Variants in VAMP5 observed in about 807,000 individuals in gnomAD.
The protein encoded by VAMP5 is vesicle-associated membrane protein 5.
In VAMP5, 10 loss-of-function variants were observed where a neutral mutation model predicts 8.1. The ratio of observed to expected loss-of-function variants is 1.23; its 90% CI spans 0.76 to 2.09. VAMP5 has a LOEUF of 2.09. VAMP5 is among the 30% of genes most tolerant of loss of function. The pLI is 0.00. For missense variants in VAMP5, 135 were observed against 152.5 expected (o/e 0.89, Z 0.60); for synonymous variants, 62 against 60.6 (o/e 1.02, Z -0.11).
chr2:85,592,800 C>CAAAAAAAAAAA lies in VAMP5; in HGVS notation c.142-142_142-132dup, dbSNP rs375145374. 2.4e-3 allele frequency: 1,217 copies of CAAAAAAAAAAA among 511,982 alleles called. 5 individuals are homozygous for CAAAAAAAAAAA. Among genetic ancestry groups the CAAAAAAAAAAA allele is most frequent in the South Asian group, 4.6e-3 (214 of 46,470 alleles). The allele number at this position is 511,982 out of a possible 1,614,324, so 31.7% of individuals were successfully genotyped here. On this transcript the variant is annotated intron_variant, in intron 2 of 2. Transcript: ENST00000306384. ...TGGGTGACAGGGAGAGACTCCTTCT[C>CAAAAAAAAAAA]AAAAAAAAAAAAAAAAGAAAGAAAG...
At chr2:85,590,867 G>C (rs1293592293) in intron 1 of VAMP5, among the ~76,000 whole-genome samples, 1 of 152,212 alleles carries the variant, frequency 6.6e-6, no homozygotes, top group Non-Finnish European at 1.5e-5. Context: ...TCTTGCACAT[G>C]ACCCAGACTT....
intron 1 of VAMP5, among the ~76,000 whole-genome samples, chr2:85,589,365 T>C (rs2104048151): frequency 1.3e-5 from 2 of 152,252 alleles, no homozygotes; most frequent in Middle Eastern, 3.4e-3. Flanking sequence ...GGCCTCTGTG[T>C]TCCCTGGAGC....
intron 2 of VAMP5, among the ~76,000 whole-genome samples, 184 bp from the exon 3 acceptor site, chr2:85,592,764 G>A (rs1470849019): frequency 6.8e-6 from 1 of 147,394 alleles, no homozygotes; most frequent in African/African-American, 2.6e-5. Context: ...TTGTGCCACT[G>A]TACTCCAGCC....
rs116031445 is a variant in VAMP5 at position 85,592,865 on chromosome 2, A to T, written c.142-83A>T. The T allele has an allele frequency of 4.5e-3, 6,458 of 1,423,166 alleles. 210 individuals are homozygous for T. In the African/African-American group the frequency reaches 0.079, roughly 17 times the overall value. 88.2% of individuals were successfully genotyped at this position (1,423,166 alleles called of 1,614,324 possible). A position where few individuals can be genotyped will look rare whatever the true frequency, so the allele number is the denominator to read the frequency against. The stretch of plus-strand genomic sequence containing the variant: ...AGGATGCAGGAGGAGACTAAGCCTT[A>T]CTGAGATGGGGTTGGGAGGAGCTGG... On this transcript the variant is annotated intron_variant, in intron 2 of 2. Coordinates refer to ENST00000306384, the MANE Select transcript of VAMP5 (RefSeq NM_006634.3).
At chr2:85,585,706 G>C (rs764109777) in intron 1 of VAMP5, among the ~76,000 whole-genome samples, 7 of 152,308 alleles carry the variant, frequency 4.6e-5, no homozygotes, top group Middle Eastern at 3.4e-3. Context: ...GATTCTCACG[G>C]GTACATTTGA....
Position 85,584,588 on chromosome 2 carries a change from T to C in VAMP5, c.3+95T>C. ...AGTCCAAAGTCCGCGGGCTGGGGCC[T>C]CCCCTGGGGCCCACGAGGGCCAGAC... On this transcript the variant is annotated intron_variant, in intron 1 of 2. Coordinates refer to ENST00000306384, the MANE Select transcript of VAMP5 (RefSeq NM_006634.3). 3 of 1,216,790 alleles carry C rather than the reference T, an allele frequency of 2.5e-6. No individual in the cohort carries two copies. The South Asian group carries it at 1.2e-4, about 50-fold the overall frequency. 75.4% of individuals were successfully genotyped at this position (1,216,790 alleles called of 1,614,324 possible).
chr2:85,589,091 C>G (rs1227266466), intron 1 of VAMP5, among the ~76,000 whole-genome samples: 3 of 152,160 alleles, frequency 2.0e-5, no homozygotes, highest in African/African-American at 7.2e-5. Context: ...TCAAGACCAT[C>G]CTGGGCAACA....
At position 85,593,133 on chromosome 2, in the gene VAMP5, C is replaced by T. The variant is rs1672573624; in HGVS notation, c.327C>T (p.Gly109=). Residue 109 remains glycine, a synonymous_variant, in exon 3 of 3, where the codon GGC becomes GGT. Coordinates refer to ENST00000306384, the MANE Select transcript of VAMP5 (RefSeq NM_006634.3). The part of the protein sequence containing the change: ...SSSAPRTQDA[G]IASGPGN ...GTGCCCCACGGACCCAGGATGCAGGCATTGCCTCAGGGCCTGGGAACTGAC... is the reference window on the plus strand; with the variant it reads ...GTGCCCCACGGACCCAGGATGCAGGTATTGCCTCAGGGCCTGGGAACTGAC... 6.2e-7 allele frequency: 1 copy of T among 1,614,194 alleles called. No individual in the cohort carries two copies. The highest frequency in any genetic ancestry group is 8.5e-7 in the Non-Finnish European group (1 of 1,180,030).
intron 1 of VAMP5, among the ~76,000 whole-genome samples, chr2:85,586,929 G>C (rs1672469760): frequency 6.6e-6 from 1 of 151,980 alleles, no homozygotes; most frequent in African/African-American, 2.4e-5. Context: ...CAAAAAATTA[G>C]CTGGGCGTGG....
intron 1 of VAMP5, among the ~76,000 whole-genome samples, chr2:85,584,706 T>G (rs1672439339): frequency 6.6e-6 from 1 of 152,252 alleles, no homozygotes; most frequent in Non-Finnish European, 1.5e-5. Flanking sequence ...CCGTCCTGGC[T>G]GCACCGCGCA....
chr2:85,591,914 C>T, intron 2 of VAMP5, 52 bp downstream of exon 2: 1 of 1,607,048 alleles, frequency 6.2e-7, no homozygotes, highest in Non-Finnish European at 8.5e-7. Context: ...GGGAAAGTCT[C>T]TCTTGGGCTG....
Position 85,584,502 on chromosome 2 carries a change from C to G in VAMP5, c.3+9C>G, listed in dbSNP as rs1672434677. The G allele has an allele frequency of 8.1e-7, 1 of 1,239,774 alleles. No individual in the cohort carries two copies. Among genetic ancestry groups the G allele is most frequent in the African/African-American group, 1.5e-5 (1 of 64,564 alleles). The allele number at this position is 1,239,774 out of a possible 1,614,324, so 76.8% of individuals were successfully genotyped here. ...CGGCGGCAGCAGCGATGGTGAGGGC[C>G]CAGGCGGGGCCGGCCAGCCCTGCGA... On this transcript the variant is annotated intron_variant, in intron 1 of 2. Transcript: ENST00000306384.
At chr2:85,589,624 A>G (rs1672510949) in intron 1 of VAMP5, among the ~76,000 whole-genome samples, 2 of 152,134 alleles carry the variant, frequency 1.3e-5, no homozygotes, top group African/African-American at 4.8e-5. Context: ...ATCCATTCTC[A>G]AGTTTTTGCT....
At position 85,592,995 on chromosome 2, in the gene VAMP5, C is replaced by G; in HGVS notation, c.189C>G (p.Cys63Trp). The change falls in exon 3 of 3, where the codon TGC becomes TGG. Residue 63 changes from cysteine (C) to tryptophan (W), a missense_variant. Cys to Trp is a radical substitution (Grantham distance 215). Transcript: ENST00000306384. Reference sequence around the variant, plus strand: ...CACAGAACCTGGCCCAGAAGAAGTGCTGGGAGAACATCCGTTACCGGATCT... The same window carrying G: ...CACAGAACCTGGCCCAGAAGAAGTGGTGGGAGAACATCCGTTACCGGATCT... ...KTTQNLAQKK[C>W]WENIRYRICV... 1.2e-6 allele frequency: 2 copies of G among 1,614,122 alleles called. No homozygotes were observed. The highest frequency in any genetic ancestry group is 2.2e-5 in the South Asian group (2 of 91,086).
intron 2 of VAMP5, among the ~76,000 whole-genome samples, chr2:85,592,473 C>T (rs1351607677): frequency 6.6e-6 from 1 of 152,066 alleles, no homozygotes; most frequent in Non-Finnish European, 1.5e-5. Context: ...TGAGATGAGT[C>T]AGGCTGGGAG....
At chr2:85,586,070 C>T (rs1384188558) in intron 1 of VAMP5, among the ~76,000 whole-genome samples, 2 of 152,210 alleles carry the variant, frequency 1.3e-5, no homozygotes, top group Admixed American at 6.5e-5. Context: ...ACAGGCCTCC[C>T]TCATATGCAC....
At position 85,592,981 on chromosome 2, in the gene VAMP5, G is replaced by A. The variant is rs1489475746; in HGVS notation, c.175G>A (p.Ala59Thr). The A allele has an allele frequency of 1.2e-6, 2 of 1,614,098 alleles. No homozygotes were observed. The highest frequency in any genetic ancestry group is 1.7e-6 in the Non-Finnish European group (2 of 1,180,022). ...CTTCAACAAGACTACACAGAACCTGGCCCAGAAGAAGTGCTGGGAGAACAT... is the reference window on the plus strand; with the variant it reads ...CTTCAACAAGACTACACAGAACCTGACCCAGAAGAAGTGCTGGGAGAACAT... ...STFNKTTQNL[A>T]QKKCWENIRY... The change falls in exon 3 of 3, where the codon GCC (alanine) becomes ACC (threonine). Residue 59 changes from alanine (A) to threonine (T), a missense_variant. Coordinates refer to ENST00000306384, the MANE Select transcript of VAMP5 (RefSeq NM_006634.3).
intron 1 of VAMP5, among the ~76,000 whole-genome samples, chr2:85,587,472 T>C (rs980250981): frequency 6.6e-6 from 1 of 151,946 alleles, no homozygotes; most frequent in African/African-American, 2.4e-5. Context: ...CAGACTGGTC[T>C]CAGACTCCTG....
At chr2:85,592,125 G>C (rs779707273) in intron 2 of VAMP5, among the ~76,000 whole-genome samples, 2 of 152,144 alleles carry the variant, frequency 1.3e-5, no homozygotes, top group Non-Finnish European at 2.9e-5. Context: ...CTTTGAGACA[G>C]AGTCTCACTC....
Sources: gnomAD v4.1 joint callset for allele counts (sites outside exome capture counted in the v4.1 genomes callset) on GRCh38, gnomAD v4.1.1 for gene constraint, MANE v1.5 for transcripts, NCBI Gene and HGNC (gene_info 2026-07-23, HGNC 2026-07-21) for gene names.